Variants in LRP6 observed in about 807,000 individuals in gnomAD.
LRP6 encodes the protein LDL receptor related protein 6, also known as low-density lipoprotein receptor-related protein 6.
Under a neutral mutation model 184.1 loss-of-function variants are expected in LRP6, and 43 were observed. The observed-to-expected ratio is 0.23, with a 90% CI of 0.18 to 0.30. The LOEUF is 0.30. LRP6 is among the 10% of genes least tolerant of loss of function. The pLI, the probability that LRP6 is intolerant of heterozygous loss-of-function variation, is 1.00. For missense variants in LRP6, 1,571 were observed against 2,005.3 expected, an observed-to-expected ratio of 0.78 and a Z score of 4.14; for synonymous variants, 719 against 684.9, an observed-to-expected ratio of 1.05 and a Z score of -0.78.
chr12:12,204,472 T>A lies in LRP6; in HGVS notation c.450-1072A>T, dbSNP rs543870065. 6.1e-4 allele frequency among the ~76,000 whole-genome samples: 93 copies of A among 152,248 alleles called. 1 individual carries two copies. In the South Asian group the frequency reaches 0.018, roughly 30 times the overall value. ...TTGCATAGTACTGTACTAATGTTAA[T>A]TTCCTAAATATGCTAATTGTATTGT... On this transcript the variant is annotated intron_variant, in intron 2 of 22. Transcript: ENST00000261349.
chr12:12,203,218 A>G lies in LRP6; in HGVS notation c.632T>C (p.Leu211Pro), dbSNP rs770630633. The stretch of plus-strand genomic sequence containing the variant: ...GTAATCTTACCGATTTGTTCCATCC[A>G]GATTTGATTTGTGGATGAAATTAAG... The part of the protein sequence containing the change: ...AKLNFIHKSN[L>P]DGTNRQAVVK... The change falls in exon 3 of 23, where the codon CTG becomes CCG. Residue 211 changes from leucine (L) to proline (P), a missense_variant. Transcript: ENST00000261349. 2.5e-6 allele frequency: 4 copies of G among 1,609,680 alleles called. No individual in the cohort carries two copies. The highest frequency in any genetic ancestry group is 3.4e-6 in the Non-Finnish European group (4 of 1,178,296).
At chr12:12,213,960 A>G (rs991926626) in intron 2 of LRP6, among the ~76,000 whole-genome samples, 2 of 152,184 alleles carry the variant, frequency 1.3e-5, no homozygotes, top group Non-Finnish European at 2.9e-5. Flanking sequence ...GACACTTTAT[A>G]TAAAAGAAAA....
chr12:12,169,585 G>GT (rs1297430398), intron 7 of LRP6, among the ~76,000 whole-genome samples: 1 of 152,136 alleles, frequency 6.6e-6, no homozygotes, highest in African/African-American at 2.4e-5. Context: ...CACGATCAAA[G>GT]TATTAACAAG....
intron 1 of LRP6, among the ~76,000 whole-genome samples, chr12:12,257,587 A>G (rs1224922959): frequency 7.6e-4 from 113 of 149,230 alleles, no homozygotes; most frequent in African/African-American, 1.5e-3. Flanking sequence ...TCTCAAGGAA[A>G]AAAAAAAAAA....
chr12:12,138,989 A>C, intron 15 of LRP6: 1 of 1,337,436 alleles, frequency 7.5e-7, no homozygotes, highest in Non-Finnish European at 1.0e-6. Context: ...GGTAAGAATT[A>C]TTTCTAATCA....
At chr12:12,210,096 A>T (rs950277317) in intron 2 of LRP6, among the ~76,000 whole-genome samples, 4 of 152,230 alleles carry the variant, frequency 2.6e-5, no homozygotes, top group Admixed American at 2.6e-4. Context: ...ATTGACAATG[A>T]AAGAAATCCC....
Position 12,118,242 on chromosome 12 carries a change from G to A in LRP6, c.*2884C>T, listed in dbSNP as rs937258506. The A allele has an allele frequency of 3.9e-5, 6 of 152,158 alleles. No individual in the cohort carries two copies. Among genetic ancestry groups the A allele is most frequent in the African/African-American group, 1.4e-4 (6 of 41,444 alleles). 9.4% of individuals were successfully genotyped at this position (152,158 alleles called of 1,614,324 possible). On this transcript the variant is annotated 3_prime_UTR_variant, in exon 23 of 23. Coordinates refer to ENST00000261349, the MANE Select transcript of LRP6 (RefSeq NM_002336.3). ...TTTCCCTGTGAATGTGCTATTATCT[G>A]ACTTAAGCAAACAAAACTCCTTAAG...
chr12:12,231,998 CAAAAAA>C (rs374411032), intron 2 of LRP6, among the ~76,000 whole-genome samples: 4 of 129,690 alleles, frequency 3.1e-5, no homozygotes, highest in African/African-American at 8.4e-5. Context: ...GACCCTGCCT[CAAAAAA>C]AAAAACAAAA....
At chr12:12,265,372 A>G (rs987100258) in intron 1 of LRP6, among the ~76,000 whole-genome samples, 15 of 152,234 alleles carry the variant, frequency 9.9e-5, no homozygotes, top group Non-Finnish European at 2.1e-4. Flanking sequence ...ACAATGCTGC[A>G]TTACTACAGA....
At chr12:12,154,684 G>A (rs1259136591) in intron 12 of LRP6, among the ~76,000 whole-genome samples, 2 of 152,176 alleles carry the variant, frequency 1.3e-5, no homozygotes, top group African/African-American at 2.4e-5. Flanking sequence ...GGGCAACACA[G>A]TAAGACCTGA....
chr12:12,182,320 T>C lies in LRP6; in HGVS notation c.977-881A>G, dbSNP rs553627247. On this transcript the variant is annotated intron_variant, in intron 5 of 22. Coordinates refer to ENST00000261349, the MANE Select transcript of LRP6 (RefSeq NM_002336.3). ...ATTAAAAAATAAAGATTTTCAGATT[T>C]TTATTTCACTGAATTTTAAATTAGG... Among the ~76,000 whole-genome samples the C allele has an allele frequency of 2.0e-5, 3 of 152,310 alleles. No homozygotes were observed. The East Asian group carries it at 5.8e-4, about 29-fold the overall frequency.
chr12:12,203,542 A>C, intron 2 of LRP6, 142 bp from the exon 3 acceptor site: 1 of 699,640 alleles, frequency 1.4e-6, no homozygotes, highest in South Asian at 1.7e-5. Context: ...TGAGGCAGGC[A>C]AATGACGAAG....
intron 2 of LRP6, among the ~76,000 whole-genome samples, chr12:12,209,512 T>C (rs1864150912): frequency 6.6e-6 from 1 of 152,028 alleles, no homozygotes; most frequent in Admixed American, 6.6e-5. Flanking sequence ...TTGACGAAAA[T>C]TAGCATTTTT....
In LRP6 at chr12:12,119,324, G is replaced by C. The variant is rs552768105; in HGVS notation, c.*1802C>G. On this transcript the variant is annotated 3_prime_UTR_variant, in exon 23 of 23. Coordinates refer to ENST00000261349, the MANE Select transcript of LRP6 (RefSeq NM_002336.3). ...GTTTTCTCTTGGGCCCTGAAACCCA[G>C]AGAGGCCTTGGCAAGACAGAATTAA... The C allele has an allele frequency of 6.6e-5, 10 of 151,374 alleles. No individual in the cohort carries two copies. In the East Asian group the frequency reaches 1.7e-3, roughly 26 times the overall value. The allele number at this position is 151,374 out of a possible 1,614,324, so 9.4% of individuals were successfully genotyped here.
At chr12:12,156,439 G>C (rs769076759) in intron 12 of LRP6, among the ~76,000 whole-genome samples, 4 of 152,168 alleles carry the variant, frequency 2.6e-5, no homozygotes, top group Non-Finnish European at 5.9e-5. Context: ...TGGGGAGTGA[G>C]AGTGAAGAAG....
intron 1 of LRP6, among the ~76,000 whole-genome samples, chr12:12,249,737 A>T (rs1176336292): frequency 2.0e-5 from 3 of 151,492 alleles, no homozygotes; most frequent in East Asian, 1.9e-4. Flanking sequence ...GGAAGGAAAT[A>T]AATTAATTAA....
intron 9 of LRP6, among the ~76,000 whole-genome samples, chr12:12,162,959 C>T (rs936584378): frequency 6.6e-6 from 1 of 152,070 alleles, no homozygotes; most frequent in African/African-American, 2.4e-5. Context: ...TACAACAGTC[C>T]TGCAAGTATG....
rs578208773 is a variant in LRP6, at chr12:12,229,385, A to G, written c.449+14877T>C. ...AACTCCATTTCAAAAAAAAAAAAAAAAAGAAGAAGAAGAAGAATATCTCAC... is the reference window on the plus strand; with the variant it reads ...AACTCCATTTCAAAAAAAAAAAAAAGAAGAAGAAGAAGAAGAATATCTCAC... On this transcript the variant is annotated intron_variant, in intron 2 of 22. Transcript: ENST00000261349. Among the ~76,000 whole-genome samples the G allele has an allele frequency of 6.1e-4, 62 of 101,664 alleles. 2 individuals carry two copies. Among genetic ancestry groups the G allele is most frequent in the South Asian group, 1.8e-3 (6 of 3,272 alleles). The allele number at this position is 101,664 out of a possible 152,430, so 66.7% of individuals were successfully genotyped here.
intron 1 of LRP6, among the ~76,000 whole-genome samples, chr12:12,259,890 GC>G (rs1865569983): frequency 6.6e-6 from 1 of 152,236 alleles, no homozygotes; most frequent in African/African-American, 2.4e-5. Context: ...ATAGCATTCA[GC>G]CATCCTGCAG....
Sources: gnomAD v4.1 joint callset for allele counts (sites outside exome capture counted in the v4.1 genomes callset) on GRCh38, gnomAD v4.1.1 for gene constraint, MANE v1.5 for transcripts, NCBI Gene and HGNC (gene_info 2026-07-23, HGNC 2026-07-21) for gene names.